DOCK4: variants seen among roughly 807,000 people sequenced by gnomAD.
DOCK4 encodes dedicator of cytokinesis 4.
DOCK4 carries 97 observed loss-of-function variants against 268.1 expected under a neutral mutation model. That is an observed-to-expected ratio of 0.36 (90% CI 0.31 to 0.43). DOCK4 has a LOEUF of 0.43. DOCK4 is among the 20% of genes least tolerant of loss of function. The pLI is 1.00. For synonymous variants in DOCK4, 954 were observed against 887.2 expected (o/e 1.08, Z -1.34); for missense variants, 2,145 against 2,455.7 (o/e 0.87, Z 2.67).
chr7:112,197,060 C>T (rs868724173), intron 1 of DOCK4, among the ~76,000 whole-genome samples: 1 of 152,186 alleles, frequency 6.6e-6, no homozygotes, highest in African/African-American at 2.4e-5. Context: ...GGAAATTTCA[C>T]GTGAATTTTG....
At chr7:111,816,062 AG>A (rs2133935830) in intron 27 of DOCK4, among the ~76,000 whole-genome samples, 1 of 152,316 alleles carries the variant, frequency 6.6e-6, no homozygotes, top group Admixed American at 6.5e-5. Context: ...ATGAAATCAA[AG>A]TTATTGCTTT....
At chr7:111,835,644 T>C (rs1803179060) in intron 25 of DOCK4, among the ~76,000 whole-genome samples, 2 of 152,170 alleles carry the variant, frequency 1.3e-5, no homozygotes, top group South Asian at 4.1e-4. Context: ...GGAGAGGCAA[T>C]CACTGGTAAC....
chr7:112,077,008 G>A, intron 1 of DOCK4, among the ~76,000 whole-genome samples: 1 of 152,084 alleles, frequency 6.6e-6, no homozygotes, highest in East Asian at 1.9e-4. Context: ...AGAGTACTTA[G>A]ACGTTTGATT....
At chr7:112,023,611 T>C in intron 1 of DOCK4, 1 of 450,722 alleles carries the variant, frequency 2.2e-6, no homozygotes, top group South Asian at 1.6e-5. Flanking sequence ...ATCAGTAATA[T>C]TGAAGGGCTT....
intron 1 of DOCK4, among the ~76,000 whole-genome samples, chr7:112,204,900 C>T (rs1474336887): frequency 6.6e-6 from 1 of 151,898 alleles, no homozygotes; most frequent in East Asian, 1.9e-4. Context: ...CACACACACA[C>T]ACACACACAA....
In DOCK4 at chr7:111,796,809, A is replaced by C. The variant is rs927870632; in HGVS notation, c.3167-6204T>G. On this transcript the variant is annotated intron_variant, in intron 30 of 52. Coordinates refer to ENST00000428084, the MANE Select transcript of DOCK4 (RefSeq NM_001363540.2). ...CACAAATTTAGGAAGTGAAAGGGGG[A>C]ATCATACAAGGTGGACAAGCTAAGG... 1.1e-4 allele frequency among the ~76,000 whole-genome samples: 17 copies of C among 152,156 alleles called. No individual in the cohort carries two copies. In the South Asian group the frequency reaches 3.5e-3, roughly 32 times the overall value.
At chr7:111,939,295 C>T (rs1307915314) in intron 11 of DOCK4, among the ~76,000 whole-genome samples, 1 of 151,964 alleles carries the variant, frequency 6.6e-6, no homozygotes, top group Non-Finnish European at 1.5e-5. Context: ...GCAGGTGGAT[C>T]ACAAGGTCAG....
In DOCK4 at chr7:111,728,714, C is replaced by T. The variant is rs751542566; in HGVS notation, c.5488G>A (p.Val1830Met). 5.0e-6 allele frequency: 8 copies of T among 1,609,040 alleles called. No individual in the cohort carries two copies. The highest frequency in any genetic ancestry group is 2.7e-5 in the African/African-American group (2 of 74,836). ...ACTGGAGAGGGGGTGAAAGACTGCA[C>T]AGAGCCCTGCTCCGGGGAGAAGGAA... ...PAGRSPLKGSVQSFTPSPVEY... is the reference protein window; with the variant it reads ...PAGRSPLKGSMQSFTPSPVEY... Residue 1830 changes from valine to methionine, a missense_variant, in exon 53 of 53, where the codon GTG becomes ATG. By Grantham distance (21) the Val-to-Met change is conservative. Around this residue, in one of 2 missense-constraint regions of DOCK4, gnomAD observed 547 missense variants for 469.0 expected, o/e 1.17. Coordinates refer to ENST00000428084, the MANE Select transcript of DOCK4 (RefSeq NM_001363540.2).
intron 8 of DOCK4, among the ~76,000 whole-genome samples, chr7:111,955,383 T>C (rs1796379642): frequency 6.6e-6 from 1 of 152,214 alleles, no homozygotes; most frequent in South Asian, 2.1e-4. Flanking sequence ...CTCAAGCCCA[T>C]ATTCACCTTA....
intron 16 of DOCK4, among the ~76,000 whole-genome samples, chr7:111,882,388 T>C (rs1053318486): frequency 6.6e-6 from 1 of 152,214 alleles, no homozygotes; most frequent in Non-Finnish European, 1.5e-5. Flanking sequence ...CTGATTTTAA[T>C]GCTGTAATAA....
intron 52 of DOCK4, among the ~76,000 whole-genome samples, chr7:111,730,985 T>C (rs1036433453): frequency 6.6e-6 from 1 of 151,608 alleles, no homozygotes; most frequent in Non-Finnish European, 1.5e-5. Flanking sequence ...AAAATACAGA[T>C]GATAATTCCA....
At chr7:111,733,578 T>A (rs535959002) in intron 51 of DOCK4, among the ~76,000 whole-genome samples, 1 of 152,186 alleles carries the variant, frequency 6.6e-6, no homozygotes, top group Non-Finnish European at 1.5e-5. Flanking sequence ...AGAAAGTTGA[T>A]TGTTCCCTAG....
chr7:112,054,568 C>CAA (rs60712659), intron 1 of DOCK4, among the ~76,000 whole-genome samples: 5,320 of 148,212 alleles, frequency 0.036, 302 homozygotes, highest in African/African-American at 0.12. Flanking sequence ...GAATTACTGA[C>CAA]AAAAAAAAAC....
At chr7:112,112,022 CTTTGT>C (rs1204621909) in intron 1 of DOCK4, among the ~76,000 whole-genome samples, 3 of 152,178 alleles carry the variant, frequency 2.0e-5, no homozygotes, top group Admixed American at 6.5e-5. Flanking sequence ...CCTCTCAAAT[CTTTGT>C]TTTTAGTTTC....
intron 1 of DOCK4, among the ~76,000 whole-genome samples, chr7:112,057,087 G>A (rs1409426159): frequency 6.6e-6 from 1 of 152,046 alleles, no homozygotes; most frequent in Non-Finnish European, 1.5e-5. Context: ...TAAAATCCCT[G>A]TATCACAAAG....
At chr7:111,980,080 AT>A (rs1798496707) in intron 7 of DOCK4, among the ~76,000 whole-genome samples, 1 of 152,146 alleles carries the variant, frequency 6.6e-6, no homozygotes, top group African/African-American at 2.4e-5. Flanking sequence ...AAACTAAACA[AT>A]GTATTGTTGC....
chr7:111,999,378 G>C (rs1053580885), intron 3 of DOCK4, among the ~76,000 whole-genome samples: 1 of 151,992 alleles, frequency 6.6e-6, no homozygotes, highest in African/African-American at 2.4e-5. Context: ...AAACGCACTT[G>C]TTTTCTTCAA....
chr7:112,076,943 A>C (rs1440187462), intron 1 of DOCK4, among the ~76,000 whole-genome samples: 1 of 145,938 alleles, frequency 6.9e-6, no homozygotes, highest in Non-Finnish European at 1.5e-5. Context: ...CATCATTTGA[A>C]CACTTTCCTG....
At chr7:111,902,008 G>C (rs901124940) in intron 13 of DOCK4, among the ~76,000 whole-genome samples, 1 of 152,196 alleles carries the variant, frequency 6.6e-6, no homozygotes, top group East Asian at 1.9e-4. Context: ...GTCTGAATTA[G>C]AAACACTGTA....
Sources: allele counts gnomAD v4.1 joint callset (sites outside exome capture counted in the v4.1 genomes callset), GRCh38; gene constraint gnomAD v4.1.1; regional missense constraint gnomAD v4.1.1; transcripts MANE v1.5; gene names NCBI Gene and HGNC (gene_info 2026-07-23, HGNC 2026-07-21).